SUPT3H: variants seen among roughly 807,000 people sequenced by gnomAD.
The protein encoded by SUPT3H is transcription initiation protein SPT3 homolog.
Under a neutral mutation model 44.3 loss-of-function variants are expected in SUPT3H, and 44 were observed. The observed-to-expected ratio is 0.99, with a 90% confidence interval of 0.78 to 1.28. The LOEUF (loss-of-function observed/expected upper bound fraction) is 1.28. Among genes scored for constraint, SUPT3H ranks in the 50% most tolerant of loss-of-function variants. SUPT3H has a pLI of 0.00. For synonymous variants in SUPT3H, 124 were observed against 125.6 expected (o/e 0.99, Z 0.09); for missense variants, 380 against 387.1 (o/e 0.98, Z 0.15).
intron 2 of SUPT3H, among the ~76,000 whole-genome samples, chr6:45,305,577 C>T (rs1277934182): frequency 2.0e-5 from 3 of 152,126 alleles, no homozygotes; most frequent in African/African-American, 7.2e-5. Context: ...TCATTCAAGC[C>T]CTCAGCATTG....
In SUPT3H at chr6:44,904,756, C is replaced by T. The variant is rs1765699650; in HGVS notation, c.912+27897G>A. On this transcript the variant is annotated intron_variant, in intron 10 of 10. Transcript: ENST00000371459. ...AACAAAGTTGGAGGCATCACGCTACCTGACTTCAAACTATACTACAAGGCT... is the reference window on the plus strand; with the variant it reads ...AACAAAGTTGGAGGCATCACGCTACTTGACTTCAAACTATACTACAAGGCT... 2.0e-5 allele frequency among the ~76,000 whole-genome samples: 3 copies of T among 152,160 alleles called. No individual in the cohort carries two copies. In the South Asian group the frequency reaches 6.2e-4, roughly 32 times the overall value.
intron 2 of SUPT3H, among the ~76,000 whole-genome samples, chr6:45,106,907 C>G (rs1036051751): frequency 6.6e-6 from 1 of 152,186 alleles, no homozygotes; most frequent in Non-Finnish European, 1.5e-5. Context: ...ACAATACTGG[C>G]AACCAGCAAA....
intron 2 of SUPT3H, among the ~76,000 whole-genome samples, chr6:45,355,468 G>A (rs545970010): frequency 6.6e-5 from 10 of 152,020 alleles, no homozygotes; most frequent in African/African-American, 2.2e-4. Flanking sequence ...TGGGGGTGGG[G>A]GTTAATTGTT....
At chr6:44,944,752 A>T in intron 9 of SUPT3H, among the ~76,000 whole-genome samples, 1 of 88,396 alleles carries the variant, frequency 1.1e-5, no homozygotes, top group Non-Finnish European at 2.2e-5. Flanking sequence ...ACAAAGCAAG[A>T]CCCTCTCTCC....
intron 10 of SUPT3H, among the ~76,000 whole-genome samples, chr6:44,856,638 C>T (rs1427039846): frequency 2.0e-5 from 3 of 152,178 alleles, no homozygotes. Flanking sequence ...CAAATACTCA[C>T]ATAGCAATAG....
At chr6:45,146,786 G>GT (rs1380571839) in intron 2 of SUPT3H, among the ~76,000 whole-genome samples, 4 of 152,198 alleles carry the variant, frequency 2.6e-5, no homozygotes, top group South Asian at 2.1e-4. Context: ...CTGGTAAGTG[G>GT]TAAGATTTTC....
intron 2 of SUPT3H, among the ~76,000 whole-genome samples, chr6:45,319,234 T>C (rs1410820776): frequency 6.6e-6 from 1 of 152,128 alleles, no homozygotes; most frequent in Non-Finnish European, 1.5e-5. Context: ...TATAATTATG[T>C]GTCTTATGAT....
chr6:45,158,293 T>TAA (rs1808276774), intron 2 of SUPT3H, among the ~76,000 whole-genome samples: 2 of 46,852 alleles, frequency 4.3e-5, no homozygotes, highest in Admixed American at 3.7e-4. Context: ...TATATATATA[T>TAA]ATATATTTTT....
At chr6:44,993,217 C>T (rs935327035) in intron 6 of SUPT3H, among the ~76,000 whole-genome samples, 6 of 152,070 alleles carry the variant, frequency 3.9e-5, no homozygotes, top group African/African-American at 1.4e-4. Flanking sequence ...TCTAGTTTCA[C>T]ACCTGTATGT....
chr6:45,288,547 G>GTGTGTA (rs1451616957), intron 2 of SUPT3H, among the ~76,000 whole-genome samples: 1 of 126,752 alleles, frequency 7.9e-6, no homozygotes, highest in African/African-American at 3.0e-5. Flanking sequence ...GTGTGTGTGT[G>GTGTGTA]TATATATATA....
At chr6:44,910,993 T>C (rs1266968415) in intron 10 of SUPT3H, among the ~76,000 whole-genome samples, 2 of 12,652 alleles carry the variant, frequency 1.6e-4, no homozygotes, top group East Asian at 7.0e-3. Flanking sequence ...AGACTCCATC[T>C]CAAAAAAAAA....
intron 2 of SUPT3H, among the ~76,000 whole-genome samples, chr6:45,109,696 G>A (rs1799770405): frequency 6.6e-6 from 1 of 152,084 alleles, no homozygotes; most frequent in Admixed American, 6.5e-5. Context: ...ACTAGATATT[G>A]TTCTAGTCGT....
intron 3 of SUPT3H, among the ~76,000 whole-genome samples, chr6:45,057,146 C>G (rs192189867): frequency 2.7e-3 from 407 of 152,132 alleles, no homozygotes; most frequent in African/African-American, 9.4e-3. Flanking sequence ...GAAGTTCACC[C>G]TAAAAATAAA....
chr6:45,309,162 GAA>G (rs147009181), intron 2 of SUPT3H, among the ~76,000 whole-genome samples: 2 of 133,534 alleles, frequency 1.5e-5, no homozygotes, highest in East Asian at 2.2e-4. Flanking sequence ...AAATATTTAG[GAA>G]AAAAAAAAAA....
intron 2 of SUPT3H, among the ~76,000 whole-genome samples, chr6:45,296,693 C>T (rs192318120): frequency 3.9e-5 from 5 of 129,692 alleles, no homozygotes; most frequent in Admixed American, 2.8e-4. Context: ...GAGCTGAGAT[C>T]GTGCCACTGC....
intron 2 of SUPT3H, among the ~76,000 whole-genome samples, chr6:45,354,487 ATC>A (rs1792725346): frequency 1.3e-5 from 2 of 152,176 alleles, no homozygotes; most frequent in East Asian, 3.9e-4. Context: ...TTTTTTGCTC[ATC>A]TGTGTGAGGA....
chr6:45,231,782 C>T (rs1358997050), intron 2 of SUPT3H, among the ~76,000 whole-genome samples: 2 of 152,132 alleles, frequency 1.3e-5, no homozygotes, highest in Non-Finnish European at 2.9e-5. Flanking sequence ...CTTTGTTCAT[C>T]CTTTACTCCT....
intron 6 of SUPT3H, among the ~76,000 whole-genome samples, chr6:44,962,391 GT>G (rs1420056698): frequency 1.3e-5 from 2 of 152,130 alleles, no homozygotes; most frequent in African/African-American, 4.8e-5. Flanking sequence ...TTTTGATTCA[GT>G]ATAGCAGATG....
intron 2 of SUPT3H, among the ~76,000 whole-genome samples, chr6:45,312,767 T>C (rs1177861851): frequency 1.4e-5 from 2 of 146,374 alleles, no homozygotes; most frequent in African/African-American, 5.1e-5. Flanking sequence ...AAATTTAAAC[T>C]ATACCTTGGA....
Sources: gnomAD v4.1 joint callset for allele counts (sites outside exome capture counted in the v4.1 genomes callset) on GRCh38, gnomAD v4.1.1 for gene constraint, MANE v1.5 for transcripts, NCBI Gene and HGNC (gene_info 2026-07-23, HGNC 2026-07-21) for gene names.